The following LOXL2 variants were observed in gnomAD, a reference collection of about 807,000 sequenced individuals.
LOXL2 encodes the protein lysyl oxidase homolog 2.
LOXL2 carries 70 observed loss-of-function variants against 93.0 expected under a neutral mutation model. That is an observed-to-expected ratio of 0.75 (90% CI 0.62 to 0.92). The LOEUF (loss-of-function observed/expected upper bound fraction) is 0.92. Among genes scored for constraint, LOXL2 ranks in the 40% least tolerant of loss-of-function variants. The pLI is 0.00. For missense variants in LOXL2, 973 were observed against 1,054.9 expected (o/e 0.92, Z 1.08); for synonymous variants, 438 against 413.2 (o/e 1.06, Z -0.73).
At chr8:23,298,795 G>T in intron 13 of LOXL2, 41 bp downstream of exon 13, 1 of 1,303,926 alleles carries the variant, frequency 7.7e-7, no homozygotes, top group Non-Finnish European at 1.1e-6. Flanking sequence ...AAGTAGGGCA[G>T]CTCCCGCCTG....
At chr8:23,322,906 G>A (rs1214939940) in intron 6 of LOXL2, among the ~76,000 whole-genome samples, 13 of 152,190 alleles carry the variant, frequency 8.5e-5, no homozygotes, top group Admixed American at 7.9e-4. Context: ...CCCAGTTCCT[G>A]GGGGAGGCAG....
chr8:23,374,346 TC>T (rs1804550420), intron 1 of LOXL2, among the ~76,000 whole-genome samples: 1 of 152,148 alleles, frequency 6.6e-6, no homozygotes, highest in East Asian at 1.9e-4. Context: ...ATCCAGTCTA[TC>T]TTTGATGAAC....
intron 10 of LOXL2, among the ~76,000 whole-genome samples, chr8:23,306,835 C>T (rs1255365190): frequency 6.6e-6 from 1 of 152,234 alleles, no homozygotes; most frequent in Non-Finnish European, 1.5e-5. Context: ...CACATCGTGC[C>T]AGTTGAGCAG....
At chr8:23,319,466 C>G (rs1164118386) in intron 8 of LOXL2, among the ~76,000 whole-genome samples, 1 of 152,176 alleles carries the variant, frequency 6.6e-6, no homozygotes, top group Admixed American at 6.5e-5. Flanking sequence ...GAGCGGGTTT[C>G]AAGGGAGCAA....
At chr8:23,333,655 G>C in intron 4 of LOXL2, 32 bp from the exon 5 acceptor site, 1 of 1,573,164 alleles carries the variant, frequency 6.4e-7, no homozygotes, top group Non-Finnish European at 8.7e-7. Context: ...AGGGGACCAG[G>C]GCATCATGAC....
In LOXL2 at chr8:23,368,088, G is replaced by A. The variant is rs1190479848; in HGVS notation, c.264C>T (p.Phe88=). Residue 88 remains phenylalanine (F), a synonymous_variant, in exon 2 of 14, where the codon TTC becomes TTT. Transcript: ENST00000389131. ...AGACGACGTGGGCAGCGTGGATGGA[G>A]AAGTCGTCATCGCACACGGTGCCCC... ...GQWGTVCDDD[F]SIHAAHVVCR... 2 of 1,614,116 alleles carry A rather than the reference G, an allele frequency of 1.2e-6. No homozygotes were observed. The highest frequency in any genetic ancestry group is 4.5e-5 in the East Asian group (2 of 44,882).
intron 3 of LOXL2, among the ~76,000 whole-genome samples, chr8:23,355,624 T>TG (rs1426061429): frequency 1.3e-5 from 2 of 150,468 alleles, no homozygotes; most frequent in African/African-American, 4.9e-5. Flanking sequence ...TTTTTTTTTT[T>TG]GAGACAGGGT....
chr8:23,332,277 C>T (rs1803697242), intron 5 of LOXL2, among the ~76,000 whole-genome samples: 1 of 127,882 alleles, frequency 7.8e-6, no homozygotes, highest in African/African-American at 3.0e-5. Context: ...CACATACACA[C>T]AACCCACACA....
intron 8 of LOXL2, among the ~76,000 whole-genome samples, chr8:23,317,890 T>G (rs1008065295): frequency 2.7e-5 from 3 of 112,676 alleles, no homozygotes; most frequent in Admixed American, 9.2e-5. Flanking sequence ...GAGGCAGGAT[T>G]AGAGCTCAGG....
At chr8:23,362,871 A>G (rs777579568) in intron 2 of LOXL2, among the ~76,000 whole-genome samples, 17 of 152,298 alleles carry the variant, frequency 1.1e-4, no homozygotes, top group South Asian at 4.1e-4. Flanking sequence ...AAGAAAACAA[A>G]TCTAAACCTC....
chr8:23,311,242 T>C (rs1307245399), intron 9 of LOXL2, among the ~76,000 whole-genome samples: 2 of 152,204 alleles, frequency 1.3e-5, no homozygotes, highest in Non-Finnish European at 2.9e-5. Context: ...CTGATGGAGC[T>C]GGCATCCTCT....
intron 12 of LOXL2, among the ~76,000 whole-genome samples, chr8:23,299,774 T>C (rs1803098436): frequency 1.3e-5 from 2 of 152,224 alleles, no homozygotes; most frequent in South Asian, 4.1e-4. Context: ...GGGTACAGGC[T>C]GCTCGTTCAG....
chr8:23,346,258 G>A (rs1446979454), intron 3 of LOXL2, among the ~76,000 whole-genome samples: 1 of 151,612 alleles, frequency 6.6e-6, no homozygotes, highest in African/African-American at 2.4e-5. Context: ...AGCTGGTCAA[G>A]CACCCTGCAC....
At chr8:23,403,161 A>G (rs1325191581) in intron 1 of LOXL2, among the ~76,000 whole-genome samples, 1 of 152,134 alleles carries the variant, frequency 6.6e-6, no homozygotes, top group Non-Finnish European at 1.5e-5. Flanking sequence ...GCGCCTGCGT[A>G]AAAGTTGTAG....
chr8:23,378,673 G>C (rs543722605), intron 1 of LOXL2, among the ~76,000 whole-genome samples: 5 of 151,896 alleles, frequency 3.3e-5, no homozygotes, highest in Non-Finnish European at 7.4e-5. Flanking sequence ...TTCTCTTCTC[G>C]CTTCATTTCA....
intron 1 of LOXL2, among the ~76,000 whole-genome samples, chr8:23,383,899 A>G (rs1255712744): frequency 6.6e-6 from 1 of 151,916 alleles, no homozygotes; most frequent in African/African-American, 2.4e-5. Flanking sequence ...TGACCTCGTG[A>G]TCCACCCGCC....
chr8:23,381,539 A>AGAATGTT (rs1318290452), intron 1 of LOXL2, among the ~76,000 whole-genome samples: 2 of 152,228 alleles, frequency 1.3e-5, no homozygotes, highest in Non-Finnish European at 1.5e-5. Context: ...TTTTGTTTTA[A>AGAATGTT]CAAGCATTCT....
chr8:23,366,579 A>T (rs1351297330), intron 2 of LOXL2, among the ~76,000 whole-genome samples: 2 of 152,222 alleles, frequency 1.3e-5, no homozygotes, highest in Non-Finnish European at 2.9e-5. Context: ...TTTAAACTAG[A>T]TTATGGTGGG....
Position 23,333,533 on chromosome 8 carries a change from G to A in LOXL2, c.834C>T (p.Gly278=), listed in dbSNP as rs1803740605. 1.9e-6 allele frequency: 3 copies of A among 1,613,844 alleles called. No individual in the cohort carries two copies. Among genetic ancestry groups the A allele is most frequent in the African/African-American group, 2.7e-5 (2 of 74,948 alleles). ...TCATGGGGTCCAGTGACACCTGGGG[G>A]CCCAGCTTGCAGCTGGAGATGTGGG... ...TEAHISSCKL[G]PQVSLDPMKN... is the part of the protein sequence containing the mutation. Residue 278 remains glycine, a synonymous_variant, in exon 5 of 14, where the codon GGC becomes GGT. Coordinates refer to ENST00000389131, the MANE Select transcript of LOXL2 (RefSeq NM_002318.3).
Sources: allele counts gnomAD v4.1 joint callset (sites outside exome capture counted in the v4.1 genomes callset), GRCh38; gene constraint gnomAD v4.1.1; transcripts MANE v1.5; gene names NCBI Gene and HGNC (gene_info 2026-07-23, HGNC 2026-07-21).